The following STIM1 variants were observed in gnomAD, a reference collection of about 807,000 sequenced individuals.
STIM1 encodes the protein stromal interaction molecule 1.
In STIM1, 25 loss-of-function variants were observed where a neutral mutation model predicts 74.7. That is an observed-to-expected ratio of 0.33 (90% CI 0.24 to 0.47). The LOEUF is 0.47. STIM1 is among the 20% of genes least tolerant of loss of function. The probability of loss-of-function intolerance (pLI) is 1.00; values close to 1 mark genes in which losing one functional copy is unlikely to be tolerated. For missense variants in STIM1, 728 were observed against 920.8 expected (o/e 0.79, Z 2.71); for synonymous variants, 328 against 348.8 (o/e 0.94, Z 0.66).
intron 2 of STIM1, among the ~76,000 whole-genome samples, chr11:4,009,070 T>C (rs1277511859): frequency 6.6e-6 from 1 of 150,916 alleles, no homozygotes; most frequent in Non-Finnish European, 1.5e-5. Context: ...GGCGGGCAGA[T>C]CACGAGGTCA....
intron 2 of STIM1, 41 bp from the exon 3 acceptor site, chr11:4,023,832 T>C: frequency 1.3e-6 from 2 of 1,537,046 alleles, no homozygotes; most frequent in Non-Finnish European, 1.8e-6. Flanking sequence ...ACGGGCTGAC[T>C]CCTAGGTATC....
intron 1 of STIM1, among the ~76,000 whole-genome samples, chr11:3,887,882 C>T (rs1321693845): frequency 1.3e-5 from 2 of 151,092 alleles, no homozygotes; most frequent in African/African-American, 4.9e-5. Flanking sequence ...GCAGGAGAAT[C>T]GCTTCAACCC....
intron 12 of STIM1, 151 bp downstream of exon 12, chr11:4,086,694 CACCACCATCACCACT>C (rs1481334375): frequency 1.9e-6 from 3 of 1,539,640 alleles, no homozygotes; most frequent in Admixed American, 3.9e-5. Flanking sequence ...CCTCTTCCAT[CACCACCATCACCACT>C]ACCACCACCA....
intron 1 of STIM1, among the ~76,000 whole-genome samples, chr11:3,933,853 GA>G (rs1486322842): frequency 6.6e-6 from 1 of 152,220 alleles, no homozygotes; most frequent in Non-Finnish European, 1.5e-5. Context: ...GGAAGATGGG[GA>G]TGGCTCATTA....
intron 3 of STIM1, among the ~76,000 whole-genome samples, chr11:4,050,070 C>G (rs1286387840): frequency 6.6e-6 from 1 of 152,092 alleles, no homozygotes; most frequent in African/African-American, 2.4e-5. Flanking sequence ...TTATCCCAGA[C>G]ACCAGTATAG....
intron 1 of STIM1, among the ~76,000 whole-genome samples, chr11:3,926,740 T>G (rs2092793806): frequency 6.6e-6 from 1 of 152,224 alleles, no homozygotes; most frequent in South Asian, 2.1e-4. Context: ...TATCTGCAGC[T>G]AATTAAATCA....
intron 4 of STIM1, among the ~76,000 whole-genome samples, chr11:4,058,181 T>G (rs1217755842): frequency 1.3e-5 from 2 of 152,180 alleles, no homozygotes; most frequent in African/African-American, 4.8e-5. Context: ...AAGCATCTGA[T>G]TTTACATAAG....
rs529035090 is a variant in STIM1, at chr11:3,927,265, C to T, written c.140-40287C>T. 9.9e-5 allele frequency among the ~76,000 whole-genome samples: 15 copies of T among 152,214 alleles called. No individual in the cohort carries two copies. The South Asian group carries it at 3.1e-3, about 32-fold the overall frequency. On this transcript the variant is annotated intron_variant, in intron 1 of 12. Transcript: ENST00000526596. ...CTACAATGCCAATTTTTAAGTCTAC[C>T]TCAGGAAGTAGAACTGTCACATATA...
At chr11:4,060,836 G>A (rs1016851197) in intron 5 of STIM1, among the ~76,000 whole-genome samples, 1 of 152,204 alleles carries the variant, frequency 6.6e-6, no homozygotes, top group Admixed American at 6.5e-5. Context: ...GAGTTCAACT[G>A]GGGGCACAAA....
chr11:3,984,788 A>G (rs2093542143), intron 2 of STIM1, among the ~76,000 whole-genome samples: 1 of 152,218 alleles, frequency 6.6e-6, no homozygotes, highest in South Asian at 2.1e-4. Flanking sequence ...CCTCATCTAT[A>G]AAGTAATGAT....
Position 4,084,653 on chromosome 11 carries a change from G to A in STIM1, c.1475-20G>A, listed in dbSNP as rs1271782314. 7 of 1,288,678 alleles carry A rather than the reference G, an allele frequency of 5.4e-6. No individual in the cohort carries two copies. The highest frequency in any genetic ancestry group is 4.2e-4 in the Middle Eastern group (2 of 4,712). The allele number at this position is 1,288,678 out of a possible 1,614,324, so 79.8% of individuals were successfully genotyped here. ...ATAAATCAGATTCTCTTCTCCTTTTGGCCTGGCTGTTGACCCTAGATGCTG... is the reference window on the plus strand; with the variant it reads ...ATAAATCAGATTCTCTTCTCCTTTTAGCCTGGCTGTTGACCCTAGATGCTG... On this transcript the variant is annotated intron_variant, in intron 10 of 12. Transcript: ENST00000526596.
chr11:4,024,736 G>A (rs2093985101), intron 3 of STIM1, among the ~76,000 whole-genome samples: 1 of 152,110 alleles, frequency 6.6e-6, no homozygotes. Flanking sequence ...ACTGACCCAT[G>A]TTGAGCTTAA....
At chr11:3,989,211 A>G in intron 2 of STIM1, 1 of 908,496 alleles carries the variant, frequency 1.1e-6, no homozygotes, top group Non-Finnish European at 1.9e-6. Flanking sequence ...GACTCTCCTC[A>G]GTTTTCTTTT....
chr11:4,010,240 G>A (rs562978338), intron 2 of STIM1, among the ~76,000 whole-genome samples: 2 of 149,398 alleles, frequency 1.3e-5, no homozygotes, highest in African/African-American at 2.5e-5. Flanking sequence ...GCATGATCTC[G>A]ACTCACTACA....
intron 1 of STIM1, among the ~76,000 whole-genome samples, chr11:3,898,699 G>A (rs1387981079): frequency 4.6e-5 from 7 of 151,860 alleles, no homozygotes; most frequent in East Asian, 1.9e-4. Flanking sequence ...TGTATAAGGT[G>A]TAAGGAAGGG....
intron 1 of STIM1, among the ~76,000 whole-genome samples, chr11:3,917,530 G>A (rs1020332940): frequency 6.6e-6 from 1 of 151,702 alleles, no homozygotes; most frequent in African/African-American, 2.4e-5. Flanking sequence ...TACCTCCTGG[G>A]TTCAAACGAT....
At position 4,004,123 on chromosome 11, in the gene STIM1, C is replaced by A. The variant is rs577417065; in HGVS notation, c.271-19750C>A. ...AACAAATGGAAGAACATTCCATGCT[C>A]ATGGGTAGGAAGAATCAATATCATG... is the stretch of plus-strand genomic sequence containing the variant. On this transcript the variant is annotated intron_variant, in intron 2 of 12. Coordinates refer to ENST00000526596, the MANE Select transcript of STIM1 (RefSeq NM_001382567.1). Among the ~76,000 whole-genome samples, 5 of 152,318 alleles carry A rather than the reference C, an allele frequency of 3.3e-5. No homozygotes were observed. The South Asian group carries it at 1.0e-3, about 32-fold the overall frequency.
chr11:3,995,759 C>G (rs905362190), intron 2 of STIM1, among the ~76,000 whole-genome samples: 1 of 151,836 alleles, frequency 6.6e-6, no homozygotes, highest in Non-Finnish European at 1.5e-5. Flanking sequence ...ATCCTCCTAC[C>G]TCAGCCTCCT....
rs184143685 is a variant in STIM1 at position 3,867,198 on chromosome 11, T to G, written c.139+10789T>G. ...ATTATTTTTCTGCCTGACCTAGTAC[T>G]TCATCCCTATTTACTAAGCACCTAC... On this transcript the variant is annotated intron_variant, in intron 1 of 12. Coordinates refer to ENST00000526596, the MANE Select transcript of STIM1 (RefSeq NM_001382567.1). The G allele has an allele frequency of 1.3e-3, 192 of 152,360 alleles. 1 individual carries two copies. Among genetic ancestry groups the G allele is most frequent in the African/African-American group, 4.3e-3 (178 of 41,582 alleles). 9.4% of individuals were successfully genotyped at this position (152,360 alleles called of 1,614,324 possible).
Sources: allele counts gnomAD v4.1 joint callset (sites outside exome capture counted in the v4.1 genomes callset), GRCh38; gene constraint gnomAD v4.1.1; transcripts MANE v1.5; gene names NCBI Gene and HGNC (gene_info 2026-07-23, HGNC 2026-07-21).